INPP5A: variants seen among roughly 807,000 people sequenced by gnomAD.
The protein encoded by INPP5A is 43 kDa inositol polyphosphate 5-phophatase.
In INPP5A, 14 loss-of-function variants were observed where a neutral mutation model predicts 65.2. That is an observed-to-expected ratio of 0.21 (90% confidence interval 0.14 to 0.34). The LOEUF is 0.34. INPP5A is among the 10% of genes least tolerant of loss of function. The pLI, the probability that INPP5A is intolerant of heterozygous loss-of-function variation, is 1.00. For synonymous variants in INPP5A, 207 were observed against 208.3 expected (o/e 0.99, Z 0.05); for missense variants, 431 against 545.6 (o/e 0.79, Z 2.09).
intron 2 of INPP5A, among the ~76,000 whole-genome samples, chr10:132,612,190 T>A (rs2071968919): frequency 2.0e-5 from 2 of 100,840 alleles, no homozygotes; most frequent in African/African-American, 8.1e-5. Flanking sequence ...AGGCGCTGTC[T>A]GAAGAGGGTG....
At chr10:132,745,705 T>G (rs1381186932) in intron 9 of INPP5A, among the ~76,000 whole-genome samples, 1 of 136,200 alleles carries the variant, frequency 7.3e-6, no homozygotes, top group East Asian at 2.2e-4. Context: ...TCGGGTGTGG[T>G]GGGCCCAGGC....
At chr10:132,712,166 G>C (rs1279494893) in intron 8 of INPP5A, among the ~76,000 whole-genome samples, 2 of 152,260 alleles carry the variant, frequency 1.3e-5, no homozygotes, top group African/African-American at 2.4e-5. Context: ...CCTCCTAATA[G>C]TGCCTTGTAA....
chr10:132,683,177 G>A lies in INPP5A; in HGVS notation c.307-7215G>A, dbSNP rs114239987. On this transcript the variant is annotated intron_variant, in intron 4 of 15. Coordinates refer to ENST00000368594, the MANE Select transcript of INPP5A (RefSeq NM_005539.5). ...TTGTATTATATACATATGTATGCAC[G>A]TTTAATCCACGTGTACACGTATTAT... is the stretch of plus-strand genomic sequence containing the variant. Among the ~76,000 whole-genome samples the A allele has an allele frequency of 5.1e-3, 706 of 139,138 alleles. 2 individuals are homozygous for A. Among genetic ancestry groups the A allele is most frequent in the African/African-American group, 0.018 (659 of 36,684 alleles). 91.3% of individuals were successfully genotyped at this position (139,138 alleles called of 152,430 possible). A position where few individuals can be genotyped will look rare whatever the true frequency, so the allele number is the denominator to read the frequency against.
chr10:132,697,677 A>T lies in INPP5A; in HGVS notation c.371-139A>T. On this transcript the variant is annotated intron_variant, in intron 5 of 15. Transcript: ENST00000368594. This position sits in a 1 kb window ranked among gnomAD's most constrained non-coding sequence, Gnocchi z 5.6. ...CCGCTGGGGGTCTGTTCTGGGTCGG[A>T]CCCCTCATCAGGGCCTCCTCTCGGG... The T allele has an allele frequency of 1.6e-6, 1 of 631,926 alleles. No individual in the cohort carries two copies. The highest frequency in any genetic ancestry group is 2.8e-5 in the East Asian group (1 of 35,958). The allele number at this position is 631,926 out of a possible 1,614,324, so 39.1% of individuals were successfully genotyped here. A position where few individuals can be genotyped will look rare whatever the true frequency, so the allele number is the denominator to read the frequency against.
rs1028515724 is a variant in INPP5A at position 132,603,489 on chromosome 10, A to G, written c.76-4426A>G. ...TCACCAGTTAAATTTAATCCTGCTC[A>G]AATTGTCAGGAGAAACAGACACTGA... On this transcript the variant is annotated intron_variant, in intron 1 of 15. Transcript: ENST00000368594. The surrounding 1 kb of genome is among the most constrained non-coding windows in gnomAD (Gnocchi z 4.2). 6.6e-5 allele frequency among the ~76,000 whole-genome samples: 10 copies of G among 152,230 alleles called. 1 individual carries two copies. Among genetic ancestry groups the G allele is most frequent in the Admixed American group, 2.0e-4 (3 of 15,286 alleles).
At chr10:132,745,502 C>T (rs537822091) in intron 9 of INPP5A, among the ~76,000 whole-genome samples, 8 of 150,228 alleles carry the variant, frequency 5.3e-5, no homozygotes, top group South Asian at 2.1e-4. Context: ...TTCCCGAGTC[C>T]GGGCAGCATC....
At chr10:132,648,214 C>G (rs769869776) in intron 3 of INPP5A, among the ~76,000 whole-genome samples, 1 of 152,262 alleles carries the variant, frequency 6.6e-6, no homozygotes, top group Non-Finnish European at 1.5e-5. Context: ...ACCCTGAGCA[C>G]GGAGGACGCC....
At chr10:132,618,839 AT>A (rs1312479681) in intron 2 of INPP5A, among the ~76,000 whole-genome samples, 1 of 152,184 alleles carries the variant, frequency 6.6e-6, no homozygotes, top group East Asian at 1.9e-4. Context: ...ACCAGACCTC[AT>A]GTGAACTCAA....
chr10:132,626,539 A>G (rs1399594413), intron 2 of INPP5A, among the ~76,000 whole-genome samples: 1 of 152,202 alleles, frequency 6.6e-6, no homozygotes, highest in Non-Finnish European at 1.5e-5. Context: ...GCCTCGTAGC[A>G]ATATACAGTT....
At chr10:132,635,013 C>A (rs1272500222) in intron 2 of INPP5A, among the ~76,000 whole-genome samples, 1 of 152,270 alleles carries the variant, frequency 6.6e-6, no homozygotes, top group Non-Finnish European at 1.5e-5. Context: ...ACAGCCTCAG[C>A]TGACGGAACT....
In INPP5A at chr10:132,704,545, C is replaced by T. The variant is rs1845501684; in HGVS notation, c.475-3768C>T. Among the ~76,000 whole-genome samples, 1 of 152,354 alleles carries T rather than the reference C, an allele frequency of 6.6e-6. No individual in the cohort carries two copies. Among genetic ancestry groups the T allele is most frequent in the African/African-American group, 2.4e-5 (1 of 41,584 alleles). On this transcript the variant is annotated intron_variant, in intron 6 of 15. Transcript: ENST00000368594. This position sits in a 1 kb window ranked among gnomAD's most constrained non-coding sequence, Gnocchi z 4.5. ...CCGCCGGCAACATGGGCTCTGTCCT[C>T]CCCTCCTTGTACCCGAGGCCCCACA...
intron 9 of INPP5A, among the ~76,000 whole-genome samples, chr10:132,740,041 G>A (rs150676850): frequency 6.6e-6 from 1 of 152,346 alleles, no homozygotes; most frequent in East Asian, 1.9e-4. Flanking sequence ...GGGGCCGCCT[G>A]TGAAGCGATT....
At position 132,587,944 on chromosome 10, in the gene INPP5A, G is replaced by A. The variant is rs2071566708; in HGVS notation, c.76-19971G>A. The stretch of plus-strand genomic sequence containing the variant: ...GGAGAATCACTTGAATCCGGGAGGC[G>A]GAGGTTGCAGTGAGCCAAGATGGCG... On this transcript the variant is annotated intron_variant, in intron 1 of 15. Coordinates refer to ENST00000368594, the MANE Select transcript of INPP5A (RefSeq NM_005539.5). The surrounding 1 kb of genome is among the most constrained non-coding windows in gnomAD (Gnocchi z 4.3). 6.8e-6 allele frequency among the ~76,000 whole-genome samples: 1 copy of A among 146,338 alleles called. No homozygotes were observed. Among genetic ancestry groups the A allele is most frequent in the East Asian group, 2.2e-4 (1 of 4,466 alleles).
Position 132,644,498 on chromosome 10 carries a change from C to T in INPP5A, c.118-1370C>T, listed in dbSNP as rs935446687. On this transcript the variant is annotated intron_variant, in intron 2 of 15. Transcript: ENST00000368594. The surrounding 1 kb of genome is among the most constrained non-coding windows in gnomAD (Gnocchi z 6.5). The stretch of plus-strand genomic sequence containing the variant: ...TGCTGGCTGCCCACTTGCTCAGCTG[C>T]GCCCTGGACCGTGGCCGCTGGGCTC... Among the ~76,000 whole-genome samples, 14 of 152,260 alleles carry T rather than the reference C, an allele frequency of 9.2e-5. No homozygotes were observed. The highest frequency in any genetic ancestry group is 3.8e-4 in the East Asian group (2 of 5,198).
At chr10:132,684,526 G>A (rs977754312) in intron 4 of INPP5A, among the ~76,000 whole-genome samples, 2 of 152,228 alleles carry the variant, frequency 1.3e-5, no homozygotes, top group African/African-American at 2.4e-5. Flanking sequence ...CAAAGCAGCC[G>A]TGAGGGTGTG....
At position 132,549,522 on chromosome 10, in the gene INPP5A, G is replaced by A. The variant is rs1035569992; in HGVS notation, c.75+11351G>A. 1.3e-5 allele frequency among the ~76,000 whole-genome samples: 2 copies of A among 152,378 alleles called. No individual in the cohort carries two copies. The highest frequency in any genetic ancestry group is 2.1e-4 in the South Asian group (1 of 4,830). ...TGGCTTTGACAGCTGGATGACAGAC[G>A]GTGTTGGCGGGCTGCCCTCTGCCCA... On this transcript the variant is annotated intron_variant, in intron 1 of 15. Coordinates refer to ENST00000368594, the MANE Select transcript of INPP5A (RefSeq NM_005539.5). This position sits in a 1 kb window ranked among gnomAD's most constrained non-coding sequence, Gnocchi z 4.9.
In INPP5A at chr10:132,546,115, G is replaced by A. The variant is rs2070967118; in HGVS notation, c.75+7944G>A. Among the ~76,000 whole-genome samples the A allele has an allele frequency of 6.6e-6, 1 of 152,164 alleles. No homozygotes were observed. The highest frequency in any genetic ancestry group is 1.5e-5 in the Non-Finnish European group (1 of 68,032). ...AGCCTGCAGCCCTTGGCCGTGTCAC[G>A]CCATGTGCTCATGTGACCGAGGACG... On this transcript the variant is annotated intron_variant, in intron 1 of 15. Coordinates refer to ENST00000368594, the MANE Select transcript of INPP5A (RefSeq NM_005539.5). This position sits in a 1 kb window ranked among gnomAD's most constrained non-coding sequence, Gnocchi z 5.7.
chr10:132,609,951 CT>C (rs2071920056), intron 2 of INPP5A, among the ~76,000 whole-genome samples: 1 of 152,222 alleles, frequency 6.6e-6, no homozygotes, highest in Admixed American at 6.5e-5. Context: ...CTGTCTGCCG[CT>C]TTTTTCTTGG....
At chr10:132,709,745 C>T (rs1200596352) in intron 7 of INPP5A, among the ~76,000 whole-genome samples, 1 of 152,192 alleles carries the variant, frequency 6.6e-6, no homozygotes, top group Non-Finnish European at 1.5e-5. Context: ...TGTGCCAAGC[C>T]CTGCACTGAC....
Sources: allele counts gnomAD v4.1 joint callset (sites outside exome capture counted in the v4.1 genomes callset), GRCh38; gene constraint gnomAD v4.1.1; non-coding constraint Gnocchi (gnomAD v3.1); transcripts MANE v1.5; gene names NCBI Gene and HGNC (gene_info 2026-07-23, HGNC 2026-07-21).